Variants in FBXL17 observed in about 807,000 individuals in gnomAD.
The protein encoded by FBXL17 is F-box/LRR-repeat protein 17.
A neutral mutation model predicts 66.2 loss-of-function variants in FBXL17; 22 were observed. That is an observed-to-expected ratio of 0.33 (90% confidence interval 0.24 to 0.47). The LOEUF (loss-of-function observed/expected upper bound fraction) is 0.47, where lower values mean the gene tolerates loss of function less well. Ranked by LOEUF, FBXL17 falls within the 20% of genes least tolerant of loss-of-function variation. The probability of loss-of-function intolerance (pLI) is 1.00; values close to 1 mark genes in which losing one functional copy is unlikely to be tolerated. For synonymous variants in FBXL17, 474 were observed against 400.5 expected, an observed-to-expected ratio of 1.18 and a Z score of -2.19; for missense variants, 878 against 948.2, an observed-to-expected ratio of 0.93 and a Z score of 0.97.
At chr5:108,326,942 C>T (rs1419728260) in intron 4 of FBXL17, among the ~76,000 whole-genome samples, 2 of 152,144 alleles carry the variant, frequency 1.3e-5, no homozygotes, top group Non-Finnish European at 2.9e-5. Context: ...ACATACACTT[C>T]CCAAACAACT....
intron 6 of FBXL17, among the ~76,000 whole-genome samples, chr5:108,054,928 G>A (rs969399481): frequency 2.0e-5 from 3 of 152,154 alleles, no homozygotes; most frequent in Non-Finnish European, 4.4e-5. Context: ...GATAGGTGAT[G>A]TCTGGGATTT....
rs557928652 is a variant in FBXL17, at chr5:108,142,948, C to A, written c.1745+43169G>T. Among the ~76,000 whole-genome samples, 24 of 142,842 alleles carry A rather than the reference C, an allele frequency of 1.7e-4. No homozygotes were observed. In the South Asian group the frequency reaches 4.7e-3, roughly 28 times the overall value. The allele number at this position is 142,842 out of a possible 152,430, so 93.7% of individuals were successfully genotyped here. On this transcript the variant is annotated intron_variant, in intron 6 of 8. Transcript: ENST00000542267. Reference sequence around the variant, plus strand: ...TTTATACCTATGTAACAAACCTGCACGTTCTGCACATGTACCCCAGAACAT... The same window carrying A: ...TTTATACCTATGTAACAAACCTGCAAGTTCTGCACATGTACCCCAGAACAT...
intron 8 of FBXL17, among the ~76,000 whole-genome samples, chr5:107,869,384 GCTGGTACC>G (rs1748379442): frequency 1.3e-5 from 2 of 152,160 alleles, no homozygotes; most frequent in South Asian, 4.1e-4. Context: ...TGTGCTTTCA[GCTGGTACC>G]CACAGACTCT....
intron 6 of FBXL17, among the ~76,000 whole-genome samples, chr5:108,115,150 A>C (rs1750192860): frequency 1.3e-5 from 2 of 152,170 alleles, no homozygotes; most frequent in Non-Finnish European, 2.9e-5. Context: ...AGTGCAATAA[A>C]CTGCTAGAAC....
intron 1 of FBXL17, among the ~76,000 whole-genome samples, chr5:108,379,837 T>C (rs1749716330): frequency 6.6e-6 from 1 of 152,200 alleles, no homozygotes; most frequent in Non-Finnish European, 1.5e-5. Flanking sequence ...TAGTTGAAAA[T>C]GACACAAACT....
At chr5:108,301,984 A>G in intron 4 of FBXL17, 3 of 980,418 alleles carry the variant, frequency 3.1e-6, no homozygotes, top group Non-Finnish European at 3.6e-6. Context: ...ACCTCCTAGT[A>G]GGACAGGCAA....
At chr5:107,987,277 C>A in intron 7 of FBXL17, among the ~76,000 whole-genome samples, 1 of 134,914 alleles carries the variant, frequency 7.4e-6, no homozygotes, top group African/African-American at 2.8e-5. Flanking sequence ...TTCAGCTTCT[C>A]ACATCTGCTA....
In FBXL17 at chr5:108,380,992, C is replaced by T; in HGVS notation, c.700G>A (p.Gly234Arg). The stretch of plus-strand genomic sequence containing the variant: ...GGCCGGGGCGGCGAAGCGCCTCCCC[C>T]CGCAGGCCCTCCCCCGCCACCGCCG... Reference protein sequence around the residue: ...GGGGGGGGPAGGGASPPRPPD... With the variant: ...GGGGGGGGPARGGASPPRPPD... Residue 234 changes from glycine to arginine, a missense_variant, in exon 1 of 9, where the codon GGG (glycine) becomes AGG (arginine). Physicochemically the swap from Gly to Arg is moderately radical, Grantham distance 125. Coordinates refer to ENST00000542267, the MANE Select transcript of FBXL17 (RefSeq NM_001163315.3). 8.3e-7 allele frequency: 1 copy of T among 1,209,116 alleles called. No individual in the cohort carries two copies. Among genetic ancestry groups the T allele is most frequent in the Non-Finnish European group, 1.0e-6 (1 of 973,278 alleles). 74.9% of individuals were successfully genotyped at this position (1,209,116 alleles called of 1,614,324 possible). A position where few individuals can be genotyped will look rare whatever the true frequency, so the allele number is the denominator to read the frequency against.
At chr5:108,224,776 G>T (rs74777979) in intron 4 of FBXL17, among the ~76,000 whole-genome samples, 4,173 of 151,484 alleles carry the variant, frequency 0.028, 116 homozygotes, top group African/African-American at 0.068. Context: ...GGTTTTTTTT[G>T]TTGTTGTTGT....
intron 6 of FBXL17, among the ~76,000 whole-genome samples, chr5:108,173,541 C>G (rs568114344): frequency 2.6e-5 from 4 of 152,166 alleles, no homozygotes; most frequent in South Asian, 2.1e-4. Context: ...TAATTGCTAC[C>G]AGGACTTCCT....
At chr5:108,186,059 T>C in intron 6 of FBXL17, 58 bp downstream of exon 6, 1 of 1,344,890 alleles carries the variant, frequency 7.4e-7, no homozygotes, top group Non-Finnish European at 1.1e-6. Context: ...TTATAATAAT[T>C]AATATTTCCT....
chr5:108,277,519 C>T (rs976046271), intron 4 of FBXL17, among the ~76,000 whole-genome samples: 2 of 152,142 alleles, frequency 1.3e-5, no homozygotes, highest in East Asian at 1.9e-4. Flanking sequence ...ACAAAAGAAA[C>T]ATAAATTGAA....
chr5:108,183,000 G>C (rs1243055226), intron 6 of FBXL17, among the ~76,000 whole-genome samples: 1 of 150,932 alleles, frequency 6.6e-6, no homozygotes, highest in East Asian at 1.9e-4. Context: ...AATTGTTGTG[G>C]AATATAATCA....
intron 1 of FBXL17, among the ~76,000 whole-genome samples, chr5:108,377,145 T>C (rs1749494994): frequency 6.6e-6 from 1 of 152,202 alleles, no homozygotes. Context: ...CTTTAATCTG[T>C]ATCTGGGTTA....
At chr5:107,963,451 G>T (rs1344422354) in intron 7 of FBXL17, among the ~76,000 whole-genome samples, 1 of 152,124 alleles carries the variant, frequency 6.6e-6, no homozygotes, top group Non-Finnish European at 1.5e-5. Context: ...GATCTAATTT[G>T]CCACTAATTT....
intron 4 of FBXL17, among the ~76,000 whole-genome samples, chr5:108,326,779 A>AT (rs1207828534): frequency 6.6e-6 from 1 of 152,118 alleles, no homozygotes; most frequent in East Asian, 1.9e-4. Flanking sequence ...CTACACACCC[A>AT]CTCAGAATGG....
chr5:108,316,370 CCTA>C (rs1387140528), intron 4 of FBXL17, among the ~76,000 whole-genome samples: 3 of 151,368 alleles, frequency 2.0e-5, no homozygotes, highest in African/African-American at 7.3e-5. Context: ...TGAAATTACT[CCTA>C]CAACTATAAA....
chr5:108,052,020 G>C (rs983253915), intron 6 of FBXL17, among the ~76,000 whole-genome samples: 1 of 151,118 alleles, frequency 6.6e-6, no homozygotes, highest in Non-Finnish European at 1.5e-5. Flanking sequence ...GGCTGAGGCA[G>C]GAGAATGGCG....
At chr5:108,072,274 G>T (rs59606487) in intron 6 of FBXL17, among the ~76,000 whole-genome samples, 18,117 of 152,060 alleles carry the variant, frequency 0.12, 1,358 homozygotes, top group East Asian at 0.17. Context: ...AAGTAAGAAA[G>T]AATACCCAAA....
Sources: allele counts gnomAD v4.1 joint callset (sites outside exome capture counted in the v4.1 genomes callset), GRCh38; gene constraint gnomAD v4.1.1; transcripts MANE v1.5; gene names NCBI Gene and HGNC (gene_info 2026-07-23, HGNC 2026-07-21).